Variants in AGAP1 observed in about 807,000 individuals in gnomAD.
The protein encoded by AGAP1 is arf-GAP with GTPase, ANK repeat and PH domain-containing protein 1.
A neutral mutation model predicts 105.3 loss-of-function variants in AGAP1; 29 were observed. That is an observed-to-expected ratio of 0.28 (90% confidence interval 0.21 to 0.38). The LOEUF (loss-of-function observed/expected upper bound fraction) is 0.38. AGAP1 is among the 10% of genes least tolerant of loss of function. The probability of loss-of-function intolerance (pLI) is 1.00; values close to 1 mark genes in which losing one functional copy is unlikely to be tolerated. For missense variants in AGAP1, 998 were observed against 1,165.1 expected, an observed-to-expected ratio of 0.86 and a Z score of 2.09; for synonymous variants, 509 against 485.9, an observed-to-expected ratio of 1.05 and a Z score of -0.63.
At chr2:235,686,296 A>G (rs959458017) in intron 1 of AGAP1, among the ~76,000 whole-genome samples, 2 of 152,058 alleles carry the variant, frequency 1.3e-5, no homozygotes, top group Non-Finnish European at 2.9e-5. Context: ...GGCGATAGGA[A>G]TGAACACTTT....
rs1225129703 is a variant in AGAP1, at chr2:235,962,042, T to TTTTGG, written c.1484-6416_1484-6412dup. On this transcript the variant is annotated intron_variant, in intron 12 of 17. Transcript: ENST00000304032. The surrounding 1 kb of genome is among the most constrained non-coding windows in gnomAD (Gnocchi z 5.3). ...TCCTCTTCTGATGGATGCTTTTGGTTTTTGGTTTTGTTTTGTTTTGTTTTG... is the reference window on the plus strand; with the variant it reads ...TCCTCTTCTGATGGATGCTTTTGGTTTTTGGTTTGGTTTTGTTTTGTTTTGTTTTG... Among the ~76,000 whole-genome samples, 13 of 148,524 alleles carry TTTTGG rather than the reference T, an allele frequency of 8.8e-5. No homozygotes were observed. The highest frequency in any genetic ancestry group is 2.1e-4 in the South Asian group (1 of 4,714).
chr2:236,055,385 T>A lies in AGAP1; in HGVS notation c.2114+6104T>A, dbSNP rs1163820585. On this transcript the variant is annotated intron_variant, in intron 16 of 17. Coordinates refer to ENST00000304032, the MANE Select transcript of AGAP1 (RefSeq NM_001037131.3). This position sits in a 1 kb window ranked among gnomAD's most constrained non-coding sequence, Gnocchi z 6.2. ...TCAGTGCTCTCAGGGAGAATTCTGT[T>A]TGTGGAGGAAGCTGCTGTGCTCTGT... Among the ~76,000 whole-genome samples the A allele has an allele frequency of 6.6e-6, 1 of 152,208 alleles. No individual in the cohort carries two copies. Among genetic ancestry groups the A allele is most frequent in the Non-Finnish European group, 1.5e-5 (1 of 68,042 alleles).
rs1042955098 is a variant in AGAP1 at position 235,830,264 on chromosome 2, G to T, written c.1050+22933G>T. On this transcript the variant is annotated intron_variant, in intron 9 of 17. Coordinates refer to ENST00000304032, the MANE Select transcript of AGAP1 (RefSeq NM_001037131.3). The surrounding 1 kb of genome is among the most constrained non-coding windows in gnomAD (Gnocchi z 5.5). ...CTACAGTCACCGTTTGAGTGCCCGT[G>T]GAGGATTGGTTTACTTAGTAAATTC... Among the ~76,000 whole-genome samples the T allele has an allele frequency of 6.6e-6, 1 of 152,180 alleles. No homozygotes were observed. Among genetic ancestry groups the T allele is most frequent in the East Asian group, 1.9e-4 (1 of 5,198 alleles).
chr2:236,114,231 T>C lies in AGAP1; in HGVS notation c.2115-5961T>C, dbSNP rs1279867482. 1.3e-5 allele frequency among the ~76,000 whole-genome samples: 2 copies of C among 151,966 alleles called. No individual in the cohort carries two copies. The highest frequency in any genetic ancestry group is 2.9e-5 in the Non-Finnish European group (2 of 67,994). ...TTGAACTGGCCTTCCTTGGGGAAAA[T>C]GAAAGGCTCAGCCAAGACAAGCCAG... On this transcript the variant is annotated intron_variant, in intron 16 of 17. Transcript: ENST00000304032. The surrounding 1 kb of genome is among the most constrained non-coding windows in gnomAD (Gnocchi z 5.0).
chr2:235,928,612 G>A (rs548475066), intron 11 of AGAP1, among the ~76,000 whole-genome samples: 2 of 152,186 alleles, frequency 1.3e-5, no homozygotes, highest in Non-Finnish European at 2.9e-5. Context: ...GCGGAGAAGG[G>A]ATGTGAAGGG....
chr2:235,932,797 G>A (rs1013454052), intron 12 of AGAP1, among the ~76,000 whole-genome samples: 5 of 152,292 alleles, frequency 3.3e-5, no homozygotes, highest in African/African-American at 7.2e-5. Flanking sequence ...TTTCCACACC[G>A]CCACATCGTG....
In AGAP1 at chr2:236,119,723, G is replaced by A. The variant is rs1576349472; in HGVS notation, c.2115-469G>A. On this transcript the variant is annotated intron_variant, in intron 16 of 17. Coordinates refer to ENST00000304032, the MANE Select transcript of AGAP1 (RefSeq NM_001037131.3). The surrounding 1 kb of genome is among the most constrained non-coding windows in gnomAD (Gnocchi z 6.6). ...CCGGAGACCGTGCTTCCATCGTGCTGGTCCCAGGCAGTAGGGTGGTTTCCC... is the reference window on the plus strand; with the variant it reads ...CCGGAGACCGTGCTTCCATCGTGCTAGTCCCAGGCAGTAGGGTGGTTTCCC... Among the ~76,000 whole-genome samples the A allele has an allele frequency of 6.6e-6, 1 of 152,174 alleles. No individual in the cohort carries two copies. Among genetic ancestry groups the A allele is most frequent in the South Asian group, 2.1e-4 (1 of 4,822 alleles).
At chr2:235,579,080 C>T (rs1365908216) in intron 1 of AGAP1, among the ~76,000 whole-genome samples, 1 of 152,178 alleles carries the variant, frequency 6.6e-6, no homozygotes, top group Non-Finnish European at 1.5e-5. Context: ...AAATTATCAC[C>T]ATGAAGCAGC....
intron 1 of AGAP1, among the ~76,000 whole-genome samples, chr2:235,603,275 G>A (rs1212104716): frequency 6.6e-6 from 1 of 152,166 alleles, no homozygotes; most frequent in Non-Finnish European, 1.5e-5. Flanking sequence ...CCATGATTGT[G>A]AGGCCTCCCC....
At chr2:235,832,983 C>A (rs1202885769) in intron 9 of AGAP1, among the ~76,000 whole-genome samples, 1 of 152,218 alleles carries the variant, frequency 6.6e-6, no homozygotes, top group Non-Finnish European at 1.5e-5. Context: ...AGGACCAGGG[C>A]CTTTGGCTCT....
In AGAP1 at chr2:235,842,439, A is replaced by G; in HGVS notation, c.1050+35108A>G. Among the ~76,000 whole-genome samples, 1 of 152,176 alleles carries G rather than the reference A, an allele frequency of 6.6e-6. No homozygotes were observed. The highest frequency in any genetic ancestry group is 2.1e-4 in the South Asian group (1 of 4,832). ...ATTGAATAGGTTGTTTTCTCTGGTCACCGTTTGGCAATGGAAGGTACTAGG... is the reference window on the plus strand; with the variant it reads ...ATTGAATAGGTTGTTTTCTCTGGTCGCCGTTTGGCAATGGAAGGTACTAGG... On this transcript the variant is annotated intron_variant, in intron 9 of 17. Transcript: ENST00000304032. The surrounding 1 kb of genome is among the most constrained non-coding windows in gnomAD (Gnocchi z 5.3).
chr2:235,746,508 A>G (rs2696398), intron 5 of AGAP1, among the ~76,000 whole-genome samples: 111,241 of 149,682 alleles, frequency 0.74, 42,113 homozygotes, highest in East Asian at 0.99. Context: ...GGCCTAATGC[A>G]CCCTCTAGTG....
chr2:235,641,904 TC>T (rs1334417558), intron 1 of AGAP1, among the ~76,000 whole-genome samples: 1 of 152,236 alleles, frequency 6.6e-6, no homozygotes, highest in Non-Finnish European at 1.5e-5. Flanking sequence ...TCCTTGGCCT[TC>T]ACAGTTATCA....
intron 1 of AGAP1, among the ~76,000 whole-genome samples, chr2:235,706,758 C>G (rs1001218413): frequency 4.6e-5 from 7 of 152,134 alleles, no homozygotes; most frequent in Non-Finnish European, 7.3e-5. Flanking sequence ...AACAGAGTGA[C>G]GTTCTGAGAA....
intron 9 of AGAP1, among the ~76,000 whole-genome samples, chr2:235,817,206 GA>G (rs1958507653): frequency 6.6e-6 from 1 of 152,046 alleles, no homozygotes; most frequent in African/African-American, 2.4e-5. Flanking sequence ...CATTTTCCCA[GA>G]AATGGTCAGG....
chr2:235,495,763 C>T (rs1941290431), intron 1 of AGAP1, among the ~76,000 whole-genome samples: 1 of 152,208 alleles, frequency 6.6e-6, no homozygotes, highest in African/African-American at 2.4e-5. Flanking sequence ...TTTGGTCCGG[C>T]CAAGACTCAC....
intron 13 of AGAP1, among the ~76,000 whole-genome samples, chr2:235,995,006 G>T (rs1446369425): frequency 4.5e-5 from 5 of 112,328 alleles, no homozygotes; most frequent in African/African-American, 1.7e-4. Flanking sequence ...GGCAGAGGTT[G>T]CAGTGAGCCG....
intron 9 of AGAP1, among the ~76,000 whole-genome samples, chr2:235,816,098 A>G (rs1448126523): frequency 6.6e-6 from 1 of 152,234 alleles, no homozygotes; most frequent in Non-Finnish European, 1.5e-5. Flanking sequence ...GTTTTGGTTA[A>G]TTTCTCCCAG....
rs989897930 is a variant in AGAP1, at chr2:235,752,387, C to G, written c.673+1899C>G. ...GAGATGGGATTTTCACCATGTTGCC[C>G]AAGTTGGTCTCAAACTCCTGAGCCC... On this transcript the variant is annotated intron_variant, in intron 6 of 17. Transcript: ENST00000304032. The surrounding 1 kb of genome is among the most constrained non-coding windows in gnomAD (Gnocchi z 4.3). 3.9e-5 allele frequency among the ~76,000 whole-genome samples: 6 copies of G among 152,242 alleles called. No individual in the cohort carries two copies. The highest frequency in any genetic ancestry group is 1.4e-4 in the African/African-American group (6 of 41,540).
Sources: gnomAD v4.1 joint callset for allele counts (sites outside exome capture counted in the v4.1 genomes callset) on GRCh38, gnomAD v4.1.1 for gene constraint, Gnocchi (gnomAD v3.1) non-coding constraint, MANE v1.5 for transcripts, NCBI Gene and HGNC (gene_info 2026-07-23, HGNC 2026-07-21) for gene names.